ME3: variants seen among roughly 807,000 people sequenced by gnomAD.
ME3 encodes the protein NADP-dependent malic enzyme, mitochondrial.
In ME3, 48 loss-of-function variants were observed where a neutral mutation model predicts 68.9. The ratio of observed to expected loss-of-function variants is 0.70; its 90% CI spans 0.55 to 0.89. The LOEUF is 0.89. ME3 is among the 40% of genes least tolerant of loss of function. The probability of loss-of-function intolerance (pLI) is 0.00; values close to 1 mark genes in which losing one functional copy is unlikely to be tolerated. For synonymous variants in ME3, 320 were observed against 318.8 expected (o/e 1.00, Z -0.04); for missense variants, 675 against 797.4 (o/e 0.85, Z 1.85).
At chr11:86,501,304 G>T (rs186534330) in intron 5 of ME3, among the ~76,000 whole-genome samples, 1 of 152,106 alleles carries the variant, frequency 6.6e-6, no homozygotes, top group Non-Finnish European at 1.5e-5. Flanking sequence ...TCTTATGACT[G>T]TAATGATGAT....
chr11:86,473,602 A>G (rs897595955), intron 7 of ME3, among the ~76,000 whole-genome samples: 19 of 152,264 alleles, frequency 1.2e-4, no homozygotes, highest in African/African-American at 3.9e-4. Context: ...GCTAGAGCAC[A>G]GTTAGAATGG....
intron 2 of ME3, among the ~76,000 whole-genome samples, chr11:86,604,565 A>G (rs557063378): frequency 6.6e-6 from 1 of 152,252 alleles, no homozygotes; most frequent in African/African-American, 2.4e-5. Context: ...TTTATAAATG[A>G]AATACAGTAA....
intron 4 of ME3, among the ~76,000 whole-genome samples, chr11:86,532,944 C>T (rs972865506): frequency 2.0e-5 from 3 of 151,992 alleles, no homozygotes. Context: ...CCTGGCTACT[C>T]AGGAGGCTGA....
rs1946980440 is a variant in ME3 at position 86,671,968 on chromosome 11, G to C, written c.-14-10C>G. ...ATGGTCCTTGGCAGACCTGGCACGGGAGAGAAAGCAAGGTCAGGGCCTCCT... is the reference window on the plus strand; with the variant it reads ...ATGGTCCTTGGCAGACCTGGCACGGCAGAGAAAGCAAGGTCAGGGCCTCCT... On this transcript the variant is annotated splice_polypyrimidine_tract_variant and intron_variant, in intron 1 of 14. Coordinates refer to ENST00000543262, the Ensembl canonical transcript of ME3. 1 of 1,387,882 alleles carries C rather than the reference G, an allele frequency of 7.2e-7. No individual in the cohort carries two copies. Among genetic ancestry groups the C allele is most frequent in the African/African-American group, 1.5e-5 (1 of 65,296 alleles). 86.0% of individuals were successfully genotyped at this position (1,387,882 alleles called of 1,614,324 possible).
At chr11:86,591,451 T>C (rs915884379) in intron 2 of ME3, among the ~76,000 whole-genome samples, 5 of 152,080 alleles carry the variant, frequency 3.3e-5, no homozygotes, top group Non-Finnish European at 5.9e-5. Context: ...CAAGAGGAGA[T>C]TAGAACACAG....
chr11:86,628,409 G>T (rs1243516395), intron 2 of ME3, among the ~76,000 whole-genome samples: 1 of 152,172 alleles, frequency 6.6e-6, no homozygotes, highest in African/African-American at 2.4e-5. Context: ...CTAAGCAGTT[G>T]TTCTTAGTTT....
intron 4 of ME3, among the ~76,000 whole-genome samples, chr11:86,509,884 C>T (rs1456295311): frequency 6.6e-6 from 1 of 151,736 alleles, no homozygotes; most frequent in Non-Finnish European, 1.5e-5. Flanking sequence ...CTAGAACAAA[C>T]ATTACTCATC....
At chr11:86,587,716 G>C (rs1483300471) in intron 2 of ME3, among the ~76,000 whole-genome samples, 4 of 152,220 alleles carry the variant, frequency 2.6e-5, no homozygotes, top group African/African-American at 9.7e-5. Flanking sequence ...CACCTAGCTA[G>C]AGAGAAAACT....
At chr11:86,437,834 C>CAG (rs1471873749), downstream of ME3, among the ~76,000 whole-genome samples, 24 of 146,526 alleles carry the variant, frequency 1.6e-4, no homozygotes, top group African/African-American at 3.8e-4. Context: ...TTCCAGTAGA[C>CAG]AGAGAGAGAG....
At chr11:86,509,051 C>T (rs760816636) in intron 4 of ME3, among the ~76,000 whole-genome samples, 184 bp from the exon 5 acceptor site, 22 of 152,200 alleles carry the variant, frequency 1.4e-4, no homozygotes, top group Non-Finnish European at 2.6e-4. Context: ...TTGCTTCTCT[C>T]CACAGGGCAA....
At chr11:86,490,601 TA>T (rs1457681591) in intron 6 of ME3, among the ~76,000 whole-genome samples, 1 of 152,172 alleles carries the variant, frequency 6.6e-6, no homozygotes, top group African/African-American at 2.4e-5. Flanking sequence ...AGAGACTATT[TA>T]AAGTGGAGAA....
At chr11:86,527,654 T>C (rs1202044157) in intron 4 of ME3, among the ~76,000 whole-genome samples, 1 of 152,198 alleles carries the variant, frequency 6.6e-6, no homozygotes, top group East Asian at 1.9e-4. Context: ...TAACAGCTGA[T>C]CTCTTGGCAG....
chr11:86,442,832 T>A, exon 14 of ME3: 1 of 1,611,358 alleles, frequency 6.2e-7, no homozygotes, highest in Non-Finnish European at 8.5e-7. Flanking sequence ...TTGATGGCAA[T>A]TCTCAAAGAC....
intron 2 of ME3, among the ~76,000 whole-genome samples, chr11:86,560,721 T>TAG: frequency 1.4e-5 from 1 of 69,892 alleles, no homozygotes; most frequent in East Asian, 3.5e-4. Flanking sequence ...TGTGTGTGTG[T>TAG]GTGTATGTGT....
At chr11:86,543,836 A>C (rs1296509753) in intron 4 of ME3, among the ~76,000 whole-genome samples, 1 of 152,214 alleles carries the variant, frequency 6.6e-6, no homozygotes, top group Non-Finnish European at 1.5e-5. Context: ...CTCCACCCCA[A>C]ATCAACAGAA....
At chr11:86,560,920 C>G (rs761986330) in intron 2 of ME3, among the ~76,000 whole-genome samples, 1 of 151,478 alleles carries the variant, frequency 6.6e-6, no homozygotes, top group Admixed American at 6.6e-5. Context: ...TGCACATACC[C>G]CTCTACTGGA....
chr11:86,645,383 G>A (rs187363791), intron 2 of ME3, among the ~76,000 whole-genome samples: 2 of 152,088 alleles, frequency 1.3e-5, no homozygotes, highest in African/African-American at 2.4e-5. Flanking sequence ...GGGGGGAGGG[G>A]TGTCCACCAT....
In ME3 at chr11:86,464,966, T is replaced by C. The variant is rs1306982497; in HGVS notation, c.919+125A>G. On this transcript the variant is annotated intron_variant, in intron 8 of 14. Transcript: ENST00000543262. ...TTGAATCTAAGTTTAATATTCTTTTTTCAACAGCTGCTGGCAGCAAACCAA... is the reference window on the plus strand; with the variant it reads ...TTGAATCTAAGTTTAATATTCTTTTCTCAACAGCTGCTGGCAGCAAACCAA... 7.0e-6 allele frequency: 5 copies of C among 710,308 alleles called. No homozygotes were observed. In the Admixed American group the frequency reaches 1.1e-4, roughly 16 times the overall value. 44.0% of individuals were successfully genotyped at this position (710,308 alleles called of 1,614,324 possible).
At chr11:86,470,503 T>A (rs561621470) in intron 7 of ME3, among the ~76,000 whole-genome samples, 50 of 152,346 alleles carry the variant, frequency 3.3e-4, no homozygotes, top group African/African-American at 1.2e-3. Context: ...AGAGAGAGGT[T>A]CTGTGGTTAA....
Sources: gnomAD v4.1 joint callset for allele counts (sites outside exome capture counted in the v4.1 genomes callset) on GRCh38, gnomAD v4.1.1 for gene constraint, MANE v1.5 for transcripts, NCBI Gene and HGNC (gene_info 2026-07-23, HGNC 2026-07-21) for gene names.